RBKS: variants seen among roughly 807,000 people sequenced by gnomAD.
The protein encoded by RBKS is ribokinase.
RBKS carries 33 observed loss-of-function variants against 33.9 expected under a neutral mutation model. The observed-to-expected ratio is 0.97, with a 90% CI of 0.74 to 1.30. The LOEUF is 1.30. Ranked by LOEUF, RBKS falls within the 50% of genes most tolerant of loss-of-function variation. The probability of loss-of-function intolerance (pLI) is 0.00; values close to 1 mark genes in which losing one functional copy is unlikely to be tolerated. For synonymous variants in RBKS, 125 were observed against 143.0 expected (o/e 0.87, Z 0.90); for missense variants, 361 against 392.6 (o/e 0.92, Z 0.68).
intron 7 of RBKS, among the ~76,000 whole-genome samples, chr2:27,805,351 G>T (rs906322720): frequency 6.6e-6 from 1 of 152,102 alleles, no homozygotes; most frequent in African/African-American, 2.4e-5. Context: ...TTAATGTGTG[G>T]CAATGAGCAC....
chr2:27,809,221 G>C (rs1426515890), intron 7 of RBKS, among the ~76,000 whole-genome samples: 1 of 152,208 alleles, frequency 6.6e-6, no homozygotes, highest in African/African-American at 2.4e-5. Context: ...CTTGGGCCAG[G>C]AGCCCATTGG....
chr2:27,872,694 A>T (rs1274170036), intron 1 of RBKS, among the ~76,000 whole-genome samples: 1 of 152,206 alleles, frequency 6.6e-6, no homozygotes, highest in East Asian at 1.9e-4. Flanking sequence ...AAACCAAAAA[A>T]ATATATAACA....
Position 27,781,916 on chromosome 2 carries a change from C to CAGAG in RBKS, c.796-132_796-129dup, listed in dbSNP as rs1307323555. 3.8e-6 allele frequency: 3 copies of CAGAG among 783,502 alleles called. No homozygotes were observed. The East Asian group carries it at 8.6e-5, about 23-fold the overall frequency. 48.5% of individuals were successfully genotyped at this position (783,502 alleles called of 1,614,324 possible). A position where few individuals can be genotyped will look rare whatever the true frequency, so the allele number is the denominator to read the frequency against. On this transcript the variant is annotated intron_variant, in intron 7 of 7. Coordinates refer to ENST00000302188, the MANE Select transcript of RBKS (RefSeq NM_022128.3). ...TTACAGAAAAGGTACAAGGATAATA[C>CAGAG]AGAGTTTCCACGTACTCAGACCCAG...
chr2:27,789,879 TGTGTGTGTGTGTGTGTATAGA>T (rs1335751665), intron 7 of RBKS, among the ~76,000 whole-genome samples: 8 of 147,040 alleles, frequency 5.4e-5, no homozygotes, highest in South Asian at 4.2e-4. Context: ...TGTGTGTGTG[TGTGTGTGTGTGTGTGTATAGA>T]GTGTGTGTGT....
intron 1 of RBKS, among the ~76,000 whole-genome samples, chr2:27,887,637 T>C (rs1214805675): frequency 6.6e-6 from 1 of 152,198 alleles, no homozygotes; most frequent in Non-Finnish European, 1.5e-5. Flanking sequence ...AGAGTCTATA[T>C]GGGAATACAG....
intron 2 of RBKS, among the ~76,000 whole-genome samples, chr2:27,856,338 A>G (rs1663855682): frequency 6.6e-6 from 1 of 152,188 alleles, no homozygotes; most frequent in Non-Finnish European, 1.5e-5. Context: ...TCAAAATTGT[A>G]CAGATGCTAA....
At chr2:27,793,164 G>A (rs1677570152) in intron 7 of RBKS, among the ~76,000 whole-genome samples, 1 of 152,102 alleles carries the variant, frequency 6.6e-6, no homozygotes, top group African/African-American at 2.4e-5. Context: ...ACTGGAGAAA[G>A]AAAAATTCTT....
chr2:27,804,603 G>C (rs1011835313), intron 7 of RBKS, among the ~76,000 whole-genome samples: 11 of 152,162 alleles, frequency 7.2e-5, no homozygotes, highest in African/African-American at 2.2e-4. Context: ...AGTGAAGTTG[G>C]TGTTGGCCAG....
chr2:27,847,139 A>C, intron 3 of RBKS, 35 bp from the exon 4 acceptor site: 1 of 1,224,232 alleles, frequency 8.2e-7, no homozygotes, highest in Non-Finnish European at 1.2e-6. Flanking sequence ...TCACATGTAT[A>C]CAGGCTGGCA....
At chr2:27,801,963 A>AAAATAT (rs1308232858) in intron 7 of RBKS, among the ~76,000 whole-genome samples, 94 of 47,598 alleles carry the variant, frequency 2.0e-3, no homozygotes, top group Non-Finnish European at 2.9e-3. Flanking sequence ...AAAAAAAAAA[A>AAAATAT]ATATATATAT....
intron 1 of RBKS, among the ~76,000 whole-genome samples, chr2:27,860,626 T>C (rs1227497262): frequency 6.6e-6 from 1 of 152,180 alleles, no homozygotes; most frequent in East Asian, 1.9e-4. Flanking sequence ...GGCAAAATCA[T>C]GGGTACAGTA....
In RBKS at chr2:27,851,663, C is replaced by T. The variant is rs536729554; in HGVS notation, c.223-3566G>A. On this transcript the variant is annotated intron_variant, in intron 2 of 7. Transcript: ENST00000302188. Reference sequence around the variant, plus strand: ...AGGTGATTCTCCTGCCTCAGCCTCCCGAGTAGCTGGGATTACAGGTGTGCA... The same window carrying T: ...AGGTGATTCTCCTGCCTCAGCCTCCTGAGTAGCTGGGATTACAGGTGTGCA... Among the ~76,000 whole-genome samples the T allele has an allele frequency of 5.3e-5, 8 of 152,140 alleles. No homozygotes were observed. The East Asian group carries it at 5.8e-4, about 11-fold the overall frequency.
intron 1 of RBKS, among the ~76,000 whole-genome samples, chr2:27,873,838 A>G (rs1407564718): frequency 6.6e-6 from 1 of 152,034 alleles, no homozygotes; most frequent in Non-Finnish European, 1.5e-5. Flanking sequence ...AAACAAAAAA[A>G]AAACAAAACA....
chr2:27,787,303 G>A (rs920318498), intron 7 of RBKS, among the ~76,000 whole-genome samples: 5 of 152,180 alleles, frequency 3.3e-5, no homozygotes, highest in African/African-American at 9.7e-5. Flanking sequence ...ACTGTGGTGT[G>A]TGCTTGTAGT....
At chr2:27,830,534 G>A (rs1678398982) in intron 6 of RBKS, among the ~76,000 whole-genome samples, 1 of 152,106 alleles carries the variant, frequency 6.6e-6, no homozygotes, top group Non-Finnish European at 1.5e-5. Flanking sequence ...AAAGTGCTGG[G>A]ATTACAGGCG....
At chr2:27,867,625 A>G (rs1363208035) in intron 1 of RBKS, among the ~76,000 whole-genome samples, 1 of 152,188 alleles carries the variant, frequency 6.6e-6, no homozygotes, top group African/African-American at 2.4e-5. Context: ...AAATTAAAAT[A>G]CTACCTAAGC....
intron 7 of RBKS, among the ~76,000 whole-genome samples, chr2:27,822,313 G>A (rs982997589): frequency 2.6e-5 from 4 of 152,124 alleles, no homozygotes; most frequent in African/African-American, 9.7e-5. Flanking sequence ...CTTTCTACTG[G>A]TGGCAGTGAC....
chr2:27,782,760 G>A (rs1677313192), intron 7 of RBKS: 1 of 307,516 alleles, frequency 3.3e-6, no homozygotes, highest in Non-Finnish European at 7.2e-6. Flanking sequence ...TGTACTCTTT[G>A]TTTCTTTAAT....
chr2:27,867,793 T>C (rs911887573), intron 1 of RBKS, among the ~76,000 whole-genome samples: 1 of 152,124 alleles, frequency 6.6e-6, no homozygotes, highest in African/African-American at 2.4e-5. Context: ...TATGTATGTA[T>C]AGGGGATTAG....
Sources: gnomAD v4.1 joint callset for allele counts (sites outside exome capture counted in the v4.1 genomes callset) on GRCh38, gnomAD v4.1.1 for gene constraint, MANE v1.5 for transcripts, NCBI Gene and HGNC (gene_info 2026-07-23, HGNC 2026-07-21) for gene names.